Variants in COL25A1 observed in about 807,000 individuals in gnomAD.
COL25A1 encodes the protein collagen alpha-1(XXV) chain.
A neutral mutation model predicts 128.4 loss-of-function variants in COL25A1; 103 were observed. That is an observed-to-expected ratio of 0.80 (90% CI 0.68 to 0.94). COL25A1 has a LOEUF of 0.94. Among genes scored for constraint, COL25A1 ranks in the 40% least tolerant of loss-of-function variants. The pLI is 0.00. For synonymous variants in COL25A1, 279 were observed against 277.2 expected (o/e 1.01, Z -0.06); for missense variants, 745 against 840.0 (o/e 0.89, Z 1.40).
At position 108,899,983 on chromosome 4, in the gene COL25A1, G is replaced by C. The variant is rs527266065; in HGVS notation, c.835-803C>G. Among the ~76,000 whole-genome samples, 5 of 152,232 alleles carry C rather than the reference G, an allele frequency of 3.3e-5. No homozygotes were observed. The East Asian group carries it at 7.7e-4, about 24-fold the overall frequency. Reference sequence around the variant, plus strand: ...TTATGAAAATAGTTTCCTATGAAAAGCTTGAGTGAATGTTGCCATAAGATC... The same window carrying C: ...TTATGAAAATAGTTTCCTATGAAAACCTTGAGTGAATGTTGCCATAAGATC... On this transcript the variant is annotated intron_variant, in intron 14 of 37. Transcript: ENST00000399132.
chr4:108,937,891 A>C, intron 10 of COL25A1, 48 bp from the exon 11 acceptor site: 1 of 1,477,414 alleles, frequency 6.8e-7, no homozygotes, highest in Non-Finnish European at 9.2e-7. Flanking sequence ...AGTATTTAAA[A>C]AAAAACCCTT....
chr4:108,844,797 T>A (rs1373627690), intron 29 of COL25A1, among the ~76,000 whole-genome samples: 1 of 152,038 alleles, frequency 6.6e-6, no homozygotes. Flanking sequence ...GAAAACTATG[T>A]TAAAAGAAAA....
chr4:108,855,203 TA>T (rs200078295), intron 24 of COL25A1, among the ~76,000 whole-genome samples: 8,475 of 149,238 alleles, frequency 0.057, 406 homozygotes, highest in East Asian at 0.19. Context: ...TTTTTTTTTT[TA>T]TTTTTTAAAT....
intron 11 of COL25A1, among the ~76,000 whole-genome samples, chr4:108,924,542 A>G (rs975721453): frequency 1.3e-5 from 2 of 152,120 alleles, no homozygotes; most frequent in Admixed American, 6.6e-5. Flanking sequence ...AGTCCATCAG[A>G]TACTTAAGAA....
At chr4:109,114,614 AC>A (rs1444080208) in intron 3 of COL25A1, among the ~76,000 whole-genome samples, 1 of 152,080 alleles carries the variant, frequency 6.6e-6, no homozygotes, top group Admixed American at 6.6e-5. Context: ...AATTACAAAT[AC>A]TTCAGGAAGG....
At chr4:108,933,066 C>T (rs1746951458) in intron 11 of COL25A1, among the ~76,000 whole-genome samples, 2 of 152,184 alleles carry the variant, frequency 1.3e-5, no homozygotes, top group African/African-American at 2.4e-5. Flanking sequence ...ACTGCGTGAG[C>T]TGCAGGTTTT....
chr4:108,915,682 A>G (rs1342834619), intron 13 of COL25A1, among the ~76,000 whole-genome samples: 1 of 152,046 alleles, frequency 6.6e-6, no homozygotes, highest in Admixed American at 6.6e-5. Context: ...CCCCCACCCC[A>G]AGTAGCTGGA....
rs372659211 is a variant in COL25A1, at chr4:109,302,125, T to G, written c.-57+44A>C. The G allele has an allele frequency of 9.4e-6, 13 of 1,381,752 alleles. No homozygotes were observed. In the African/African-American group the frequency reaches 1.5e-4, roughly 15 times the overall value. The allele number at this position is 1,381,752 out of a possible 1,614,324, so 85.6% of individuals were successfully genotyped here. ...TCCTCCAAAGTTCAGTCCCTGTGGC[T>G]GCACAACTAGTTGGTGGAGTCAAGC... On this transcript the variant is annotated intron_variant, in intron 1 of 37. Transcript: ENST00000399132.
intron 3 of COL25A1, among the ~76,000 whole-genome samples, chr4:109,220,726 G>T (rs887853021): frequency 2.0e-5 from 3 of 151,972 alleles, no homozygotes; most frequent in Non-Finnish European, 4.4e-5. Flanking sequence ...TCCAAATTCT[G>T]GAAACTAAAT....
At chr4:109,050,257 A>G (rs960806649) in intron 3 of COL25A1, 78 bp from the exon 4 acceptor site, 4 of 1,091,704 alleles carry the variant, frequency 3.7e-6, no homozygotes, top group East Asian at 2.5e-5. Flanking sequence ...AATAATTTAT[A>G]TATATTTTCT....
At chr4:109,245,127 T>C (rs1780177397) in intron 3 of COL25A1, among the ~76,000 whole-genome samples, 1 of 152,162 alleles carries the variant, frequency 6.6e-6, no homozygotes, top group Non-Finnish European at 1.5e-5. Flanking sequence ...TATCTAGACC[T>C]AGATACCTTG....
intron 3 of COL25A1, among the ~76,000 whole-genome samples, chr4:109,193,567 T>C (rs1286360920): frequency 2.0e-5 from 3 of 152,084 alleles, no homozygotes; most frequent in Non-Finnish European, 4.4e-5. Context: ...AAAGGAATGG[T>C]CAATAACCAC....
intron 3 of COL25A1, among the ~76,000 whole-genome samples, chr4:109,150,588 T>C (rs931199356): frequency 6.6e-6 from 1 of 152,178 alleles, no homozygotes; most frequent in African/African-American, 2.4e-5. Context: ...ATCATTAATA[T>C]AATCAGCAGA....
chr4:108,903,962 T>C (rs1425760264), intron 13 of COL25A1, among the ~76,000 whole-genome samples: 2 of 152,036 alleles, frequency 1.3e-5, no homozygotes, highest in Non-Finnish European at 1.5e-5. Context: ...AGCTGAAAAG[T>C]GAATAAAGCT....
chr4:108,825,435 T>C (rs954226953), intron 33 of COL25A1, among the ~76,000 whole-genome samples: 5 of 152,154 alleles, frequency 3.3e-5, no homozygotes, highest in Admixed American at 2.0e-4. Context: ...GATTAATATT[T>C]TGCTGATGTT....
chr4:109,036,097 T>C (rs112195893), intron 5 of COL25A1, among the ~76,000 whole-genome samples: 14 of 151,928 alleles, frequency 9.2e-5, no homozygotes, highest in African/African-American at 3.1e-4. Flanking sequence ...CCAGCTACTT[T>C]TTGGTATTTT....
chr4:109,109,275 C>CT (rs1301042877), intron 3 of COL25A1, among the ~76,000 whole-genome samples: 3 of 152,162 alleles, frequency 2.0e-5, no homozygotes, highest in African/African-American at 7.2e-5. Context: ...TATGGTACAA[C>CT]TGTCTACCCA....
rs1768261736 is a variant in COL25A1, at chr4:109,123,122, A to G, written c.368-72943T>C. Among the ~76,000 whole-genome samples, 3 of 152,104 alleles carry G rather than the reference A, an allele frequency of 2.0e-5. No individual in the cohort carries two copies. The South Asian group carries it at 6.2e-4, about 31-fold the overall frequency. ...AGGGATTTGAAATTTCTTCCCAAAG[A>G]TATCTATTTGATACCTTTCAAGTGT... On this transcript the variant is annotated intron_variant, in intron 3 of 37. Coordinates refer to ENST00000399132, the MANE Select transcript of COL25A1 (RefSeq NM_198721.4).
rs190166415 is a variant in COL25A1, at chr4:109,100,078, G to A, written c.368-49899C>T. Among the ~76,000 whole-genome samples the A allele has an allele frequency of 3.4e-4, 51 of 152,074 alleles. No individual in the cohort carries two copies. In the South Asian group the frequency reaches 6.2e-3, roughly 19 times the overall value. ...AAGAATGATAAATTCACAAGAAATCGGGCACATCCATACACTGCTGTAGGA... is the reference window on the plus strand; with the variant it reads ...AAGAATGATAAATTCACAAGAAATCAGGCACATCCATACACTGCTGTAGGA... On this transcript the variant is annotated intron_variant, in intron 3 of 37. Coordinates refer to ENST00000399132, the MANE Select transcript of COL25A1 (RefSeq NM_198721.4).
Sources: gnomAD v4.1 joint callset for allele counts (sites outside exome capture counted in the v4.1 genomes callset) on GRCh38, gnomAD v4.1.1 for gene constraint, MANE v1.5 for transcripts, NCBI Gene and HGNC (gene_info 2026-07-23, HGNC 2026-07-21) for gene names.